The following PTTG1IP variants were observed in gnomAD, a reference collection of about 807,000 sequenced individuals.
PTTG1IP encodes pituitary tumor-transforming gene 1 protein-interacting protein.
PTTG1IP carries 16 observed loss-of-function variants against 24.4 expected under a neutral mutation model. That is an observed-to-expected ratio of 0.66 (90% CI 0.44 to 1.00). The LOEUF (loss-of-function observed/expected upper bound fraction) is 1.00, where lower values mean the gene tolerates loss of function less well. Ranked by LOEUF, PTTG1IP falls within the 50% of genes least tolerant of loss-of-function variation. PTTG1IP has a pLI of 0.00. For synonymous variants in PTTG1IP, 89 were observed against 96.8 expected (o/e 0.92, Z 0.47); for missense variants, 241 against 245.8 (o/e 0.98, Z 0.13).
chr21:44,854,229 A>G (rs2083432183), intron 5 of PTTG1IP, among the ~76,000 whole-genome samples: 2 of 152,196 alleles, frequency 1.3e-5, no homozygotes, highest in Non-Finnish European at 2.9e-5. Flanking sequence ...TACCACAAAT[A>G]TATGATATTC....
chr21:44,854,196 C>A (rs570555968), intron 5 of PTTG1IP, among the ~76,000 whole-genome samples: 39 of 152,188 alleles, frequency 2.6e-4, no homozygotes, highest in Non-Finnish European at 5.3e-4. Flanking sequence ...GTCCTCATGC[C>A]CCCAGTGGGT....
rs181624099 is a variant in PTTG1IP, at chr21:44,873,686, G to T, written c.-70C>A. 1,116 of 1,285,150 alleles carry T rather than the reference G, an allele frequency of 8.7e-4. 11 individuals carry two copies. In the African/African-American group the frequency reaches 0.015, roughly 17 times the overall value. The allele number at this position is 1,285,150 out of a possible 1,614,324, so 79.6% of individuals were successfully genotyped here. On this transcript the variant is annotated 5_prime_UTR_variant, in exon 1 of 6. Transcript: ENST00000330938. ...ACTCCAGCACAAGCGGTCTCCGCCCGGAACAGCCGCGGCGCCGGAAGTGGA... is the reference window on the plus strand; with the variant it reads ...ACTCCAGCACAAGCGGTCTCCGCCCTGAACAGCCGCGGCGCCGGAAGTGGA...
chr21:44,871,977 T>A (rs2083590089), intron 1 of PTTG1IP, among the ~76,000 whole-genome samples: 1 of 152,090 alleles, frequency 6.6e-6, no homozygotes, highest in Non-Finnish European at 1.5e-5. Flanking sequence ...CACTGTCCAC[T>A]CCACTCGTCC....
chr21:44,865,280 A>C (rs1192742144), intron 2 of PTTG1IP, 115 bp downstream of exon 2: 1 of 1,074,194 alleles, frequency 9.3e-7, no homozygotes, highest in African/African-American at 1.6e-5. Flanking sequence ...ATCCCCCCAA[A>C]TCCCAAACAA....
intron 1 of PTTG1IP, among the ~76,000 whole-genome samples, chr21:44,869,140 G>T (rs566336367): frequency 6.6e-6 from 1 of 152,240 alleles, no homozygotes; most frequent in Admixed American, 6.5e-5. Context: ...AGACAAAGAG[G>T]AACTATTCTA....
At chr21:44,868,459 C>T (rs920567829) in intron 1 of PTTG1IP, among the ~76,000 whole-genome samples, 4 of 152,172 alleles carry the variant, frequency 2.6e-5, no homozygotes, top group African/African-American at 7.2e-5. Context: ...CAGGGCTCCT[C>T]GGAGAAATGG....
intron 2 of PTTG1IP, among the ~76,000 whole-genome samples, chr21:44,863,404 A>C (rs2083510039): frequency 6.6e-6 from 1 of 152,200 alleles, no homozygotes; most frequent in South Asian, 2.1e-4. Flanking sequence ...CTGTGTGCCC[A>C]AGAGCACACC....
intron 5 of PTTG1IP, among the ~76,000 whole-genome samples, chr21:44,852,179 CTTTA>C (rs1217812454): frequency 1.3e-5 from 2 of 151,994 alleles, no homozygotes; most frequent in Admixed American, 6.6e-5. Context: ...CTCTCTCTCC[CTTTA>C]TTTTTTATTT....
rs567349440 is a variant in PTTG1IP, at chr21:44,864,217, C to T, written c.168+1178G>A. Among the ~76,000 whole-genome samples, 23 of 152,328 alleles carry T rather than the reference C, an allele frequency of 1.5e-4. 1 individual carries two copies. The highest frequency in any genetic ancestry group is 5.3e-4 in the African/African-American group (22 of 41,570). ...TGCTGTTTTCTGCCTAACCACTTCC[C>T]GCTGCCGTGGGCCTTCCCTCAGGTT... On this transcript the variant is annotated intron_variant, in intron 2 of 5. Coordinates refer to ENST00000330938, the MANE Select transcript of PTTG1IP (RefSeq NM_004339.4).
At chr21:44,866,635 AACAC>A (rs149247797) in intron 1 of PTTG1IP, among the ~76,000 whole-genome samples, 7,350 of 109,780 alleles carry the variant, frequency 0.067, 244 homozygotes, top group Middle Eastern at 0.17. Flanking sequence ...CCAATCCCGT[AACAC>A]ACACACACAC....
Position 44,861,252 on chromosome 21 carries a change from T to A in PTTG1IP, c.188A>T (p.Asn63Ile). ...KNVSCLWCNT[N>I]KACLDYPVTS... is the part of the protein sequence containing the mutation. ...AACTGGGTAGTCCAGACAAGCCTTG[T>A]TAGTGTTGCACCAAAGACACTGAAA... Residue 63 changes from asparagine to isoleucine, a missense_variant, in exon 3 of 6, where the codon AAC (asparagine) becomes ATC (isoleucine). Transcript: ENST00000330938. The A allele has an allele frequency of 6.2e-7, 1 of 1,613,886 alleles. No individual in the cohort carries two copies. Among genetic ancestry groups the A allele is most frequent in the South Asian group, 1.1e-5 (1 of 91,068 alleles).
At chr21:44,872,425 A>G (rs192514075) in intron 1 of PTTG1IP, among the ~76,000 whole-genome samples, 120 of 152,344 alleles carry the variant, frequency 7.9e-4, no homozygotes, top group Admixed American at 4.0e-3. Flanking sequence ...AAGAGCTGAG[A>G]AAAGTATTAG....
chr21:44,862,691 T>C (rs959059427), intron 2 of PTTG1IP, among the ~76,000 whole-genome samples: 1 of 152,186 alleles, frequency 6.6e-6, no homozygotes, highest in African/African-American at 2.4e-5. Context: ...AAAAGTCTAT[T>C]ACAAAAAAAT....
At chr21:44,861,709 TCCACCC>T in intron 2 of PTTG1IP, 1 of 716,142 alleles carries the variant, frequency 1.4e-6, no homozygotes, top group South Asian at 1.5e-5. Flanking sequence ...ACCAGCCGCC[TCCACCC>T]CCTCCTCCTC....
intron 3 of PTTG1IP, among the ~76,000 whole-genome samples, chr21:44,859,230 C>G (rs189619006): frequency 6.6e-6 from 1 of 152,306 alleles, no homozygotes; most frequent in East Asian, 1.9e-4. Flanking sequence ...AAGGCGGGAA[C>G]CAGTAACATT....
In PTTG1IP at chr21:44,865,392, T is replaced by C. The variant is rs2083527865; in HGVS notation, c.168+3A>G. On this transcript the variant is annotated splice_donor_region_variant and intron_variant, in intron 2 of 5. Transcript: ENST00000330938. ...TCTGGTCTCTAGTCCACGTGCTACT[T>C]ACGGAGACGTTCTTCAGGCACTCTT... 3.7e-6 allele frequency: 6 copies of C among 1,614,118 alleles called. No individual in the cohort carries two copies. Among genetic ancestry groups the C allele is most frequent in the Non-Finnish European group, 5.1e-6 (6 of 1,179,970 alleles).
chr21:44,858,784 G>A (rs1300046268), intron 3 of PTTG1IP, among the ~76,000 whole-genome samples: 3 of 152,168 alleles, frequency 2.0e-5, no homozygotes, highest in African/African-American at 4.8e-5. Context: ...CAGCACGATC[G>A]GCTAGTCACT....
At chr21:44,852,409 C>T (rs1285585926) in intron 5 of PTTG1IP, among the ~76,000 whole-genome samples, 1 of 152,072 alleles carries the variant, frequency 6.6e-6, no homozygotes, top group Non-Finnish European at 1.5e-5. Context: ...CTCGAACTCC[C>T]AACCTCAGGT....
intron 3 of PTTG1IP, among the ~76,000 whole-genome samples, chr21:44,858,302 G>C (rs183953867): frequency 6.6e-6 from 1 of 152,338 alleles, no homozygotes; most frequent in East Asian, 1.9e-4. Flanking sequence ...GAATAAACAA[G>C]GACCTGTGGT....
Sources: allele counts gnomAD v4.1 joint callset (sites outside exome capture counted in the v4.1 genomes callset), GRCh38; gene constraint gnomAD v4.1.1; transcripts MANE v1.5; gene names NCBI Gene and HGNC (gene_info 2026-07-23, HGNC 2026-07-21).